ZNF141: variants seen among roughly 807,000 people sequenced by gnomAD.
The protein encoded by ZNF141 is zinc finger protein 141 (clone pHZ-44).
ZNF141 carries 7 observed loss-of-function variants against 11.3 expected under a neutral mutation model. That is an observed-to-expected ratio of 0.62 (90% CI 0.35 to 1.16). The LOEUF (loss-of-function observed/expected upper bound fraction) is 1.16, where lower values mean the gene tolerates loss of function less well. Among genes scored for constraint, ZNF141 ranks in the 50% most tolerant of loss-of-function variants. The pLI is 0.02. For missense variants in ZNF141, 535 were observed against 554.0 expected (o/e 0.97, Z 0.34); for synonymous variants, 183 against 190.7 (o/e 0.96, Z 0.33).
chr4:381,436 T>C lies in ZNF141; in HGVS notation c.*7574T>C, dbSNP rs1712612425. 7.0e-6 allele frequency among the ~76,000 whole-genome samples: 1 copy of C among 143,798 alleles called. No individual in the cohort carries two copies. Among genetic ancestry groups the C allele is most frequent in the Non-Finnish European group, 1.5e-5 (1 of 66,626 alleles). The allele number at this position is 143,798 out of a possible 152,430, so 94.3% of individuals were successfully genotyped here. A position where few individuals can be genotyped will look rare whatever the true frequency, so the allele number is the denominator to read the frequency against. Reference sequence around the variant, plus strand: ...TTTTTTTTTTTTTTTTGAGACGTTGTCTTGCTCTGTCGCCCAGGCTGGAGT... The same window carrying C: ...TTTTTTTTTTTTTTTTGAGACGTTGCCTTGCTCTGTCGCCCAGGCTGGAGT... On this transcript the variant is annotated 3_prime_UTR_variant, in exon 4 of 4. Transcript: ENST00000240499.
At chr4:365,554 G>A (rs1470197957) in intron 3 of ZNF141, among the ~76,000 whole-genome samples, 2 of 152,156 alleles carry the variant, frequency 1.3e-5, no homozygotes, top group African/African-American at 4.8e-5. Flanking sequence ...ATCTTTTGTT[G>A]TGTATATTTC....
chr4:348,992 TTATTG>T (rs1194180908), intron 3 of ZNF141, among the ~76,000 whole-genome samples: 1 of 152,236 alleles, frequency 6.6e-6, no homozygotes, highest in Non-Finnish European at 1.5e-5. Flanking sequence ...CATTGATATC[TTATTG>T]TATTTAGTGT....
At chr4:359,198 G>A (rs994460470) in intron 3 of ZNF141, among the ~76,000 whole-genome samples, 8 of 152,280 alleles carry the variant, frequency 5.3e-5, no homozygotes, top group Non-Finnish European at 1.2e-4. Flanking sequence ...TGAAGTTAAT[G>A]CTTGGCAGAC....
In ZNF141 at chr4:375,800, A is replaced by G. The variant is rs144264570; in HGVS notation, c.*1938A>G. Among the ~76,000 whole-genome samples the G allele has an allele frequency of 7.2e-5, 11 of 152,204 alleles. No individual in the cohort carries two copies. Among genetic ancestry groups the G allele is most frequent in the African/African-American group, 2.6e-4 (11 of 41,566 alleles). ...GCATGTGATGAATTGTTGCTGCATC[A>G]GAGATAAGAGAGATTCTTTTTCATT... On this transcript the variant is annotated 3_prime_UTR_variant, in exon 4 of 4. Coordinates refer to ENST00000240499, the MANE Select transcript of ZNF141 (RefSeq NM_003441.4).
Position 380,525 on chromosome 4 carries a change from GC to G in ZNF141, c.*6665del, listed in dbSNP as rs1350952551. Among the ~76,000 whole-genome samples, 19 of 151,982 alleles carry G rather than the reference GC, an allele frequency of 1.3e-4. No individual in the cohort carries two copies. Among genetic ancestry groups the G allele is most frequent in the Admixed American group, 1.2e-3 (19 of 15,268 alleles). Reference sequence around the variant, plus strand: ...AAATTAGCTGGGTGTGGTGTCAGGCGCCTGTAATCCCAGCTACTCAAGAGGT... The same window carrying G: ...AAATTAGCTGGGTGTGGTGTCAGGCGCTGTAATCCCAGCTACTCAAGAGGT... On this transcript the variant is annotated 3_prime_UTR_variant, in exon 4 of 4. Transcript: ENST00000240499.
rs1275377268 is a variant in ZNF141, at chr4:380,649, T to TC, written c.*6793dup. Among the ~76,000 whole-genome samples, 2 of 124,786 alleles carry TC rather than the reference T, an allele frequency of 1.6e-5. No homozygotes were observed. The highest frequency in any genetic ancestry group is 7.7e-5 in the African/African-American group (2 of 25,832). The allele number at this position is 124,786 out of a possible 152,430, so 81.9% of individuals were successfully genotyped here. A position where few individuals can be genotyped will look rare whatever the true frequency, so the allele number is the denominator to read the frequency against. ...CCTGGGTGACAAGAGCAAAACTCCA[T>TC]CCCCCCTGCCCAAAAAAAAAAATTA... On this transcript the variant is annotated 3_prime_UTR_variant, in exon 4 of 4. Coordinates refer to ENST00000240499, the MANE Select transcript of ZNF141 (RefSeq NM_003441.4).
Position 373,245 on chromosome 4 carries a change from C to G in ZNF141, c.808C>G (p.Leu270Val). Reference sequence around the variant, plus strand: ...CAAAGCCTTTAATAGGTTCACAACCCTTACTAAACATAAGAGAATTCATGC... The same window carrying G: ...CAAAGCCTTTAATAGGTTCACAACCGTTACTAAACATAAGAGAATTCATGC... ...CGKAFNRFTT[L>V]TKHKRIHAGE... The change falls in exon 4 of 4, where the codon CTT (leucine) becomes GTT (valine). Residue 270 changes from leucine (L) to valine (V), a missense_variant. Transcript: ENST00000240499. 6.2e-7 allele frequency: 1 copy of G among 1,613,944 alleles called. No individual in the cohort carries two copies. The highest frequency in any genetic ancestry group is 1.3e-5 in the African/African-American group (1 of 75,010).
intron 3 of ZNF141, among the ~76,000 whole-genome samples, chr4:365,471 C>T (rs905870237): frequency 1.3e-5 from 2 of 152,134 alleles, no homozygotes; most frequent in African/African-American, 2.4e-5. Flanking sequence ...CATCTTGGAA[C>T]GGGAGGTCTC....
At chr4:341,196 G>A (rs781806779) in intron 1 of ZNF141, among the ~76,000 whole-genome samples, 5 of 152,066 alleles carry the variant, frequency 3.3e-5, no homozygotes, top group Non-Finnish European at 5.9e-5. Flanking sequence ...GAGTAGCTGG[G>A]ATTACAGGCG....
chr4:363,849 T>C (rs1711597956), intron 3 of ZNF141, among the ~76,000 whole-genome samples: 1 of 152,194 alleles, frequency 6.6e-6, no homozygotes, highest in Non-Finnish European at 1.5e-5. Context: ...GCTCTTATTA[T>C]TTTGAGATAC....
At chr4:364,010 T>C (rs1553852603) in intron 3 of ZNF141, among the ~76,000 whole-genome samples, 1 of 152,202 alleles carries the variant, frequency 6.6e-6, no homozygotes, top group Non-Finnish European at 1.5e-5. Flanking sequence ...TTTGTGTATG[T>C]TGAACCAGCC....
At chr4:345,366 A>C (rs1270002174) in intron 3 of ZNF141, among the ~76,000 whole-genome samples, 5 of 152,216 alleles carry the variant, frequency 3.3e-5, no homozygotes, top group Non-Finnish European at 7.3e-5. Context: ...TGTAAACTCT[A>C]TATGTGCAAA....
chr4:343,491 C>G (rs908256420), intron 1 of ZNF141, among the ~76,000 whole-genome samples: 10 of 151,868 alleles, frequency 6.6e-5, no homozygotes, highest in Admixed American at 2.6e-4. Context: ...TGTGGGAGGC[C>G]GAGGAGGGCG....
chr4:351,045 G>A (rs966109678), intron 3 of ZNF141, among the ~76,000 whole-genome samples: 2 of 151,604 alleles, frequency 1.3e-5, no homozygotes, highest in African/African-American at 2.4e-5. Flanking sequence ...CACCGCGCCC[G>A]GCCTGAGATC....
At chr4:361,694 A>C (rs1452065553) in intron 3 of ZNF141, among the ~76,000 whole-genome samples, 6 of 152,194 alleles carry the variant, frequency 3.9e-5, no homozygotes, top group African/African-American at 1.4e-4. Context: ...ATGTCCCTAC[A>C]AAGGACAAGA....
chr4:365,833 AG>A (rs1334601439), intron 3 of ZNF141, among the ~76,000 whole-genome samples: 3 of 152,194 alleles, frequency 2.0e-5, no homozygotes, highest in African/African-American at 7.2e-5. Flanking sequence ...CTAGGGGCCT[AG>A]TTTCATTTTT....
rs1712405069 is a variant in ZNF141 at position 377,052 on chromosome 4, TAATATATGTA to T, written c.*3191_*3200del. On this transcript the variant is annotated 3_prime_UTR_variant, in exon 4 of 4. Coordinates refer to ENST00000240499, the MANE Select transcript of ZNF141 (RefSeq NM_003441.4). ...TGTAAAATTTTTAGATGTAATTTCATAATATATGTATTAAGTTATTTTAGTTAGAACATTT... is the reference window on the plus strand; with the variant it reads ...TGTAAAATTTTTAGATGTAATTTCATTTAAGTTATTTTAGTTAGAACATTT... 1.3e-5 allele frequency among the ~76,000 whole-genome samples: 2 copies of T among 152,240 alleles called. No homozygotes were observed.
chr4:345,362 C>T (rs1214904632), intron 3 of ZNF141, among the ~76,000 whole-genome samples: 3 of 152,090 alleles, frequency 2.0e-5, no homozygotes, highest in Non-Finnish European at 4.4e-5. Flanking sequence ...GTAATGTAAA[C>T]TCTATATGTG....
At chr4:366,541 A>T (rs1046088070) in intron 3 of ZNF141, among the ~76,000 whole-genome samples, 1 of 152,192 alleles carries the variant, frequency 6.6e-6, no homozygotes, top group African/African-American at 2.4e-5. Context: ...TGACCTCGTG[A>T]TCTGCCCACC....
Sources: allele counts gnomAD v4.1 joint callset (sites outside exome capture counted in the v4.1 genomes callset), GRCh38; gene constraint gnomAD v4.1.1; transcripts MANE v1.5; gene names NCBI Gene and HGNC (gene_info 2026-07-23, HGNC 2026-07-21).